Variants in MCM8 observed in about 807,000 individuals in gnomAD.
MCM8 encodes the protein minichromosome maintenance 8 homologous recombination repair factor.
A neutral mutation model predicts 98.9 loss-of-function variants in MCM8; 85 were observed. The ratio of observed to expected loss-of-function variants is 0.86; its 90% CI spans 0.72 to 1.03. The LOEUF is 1.03. MCM8 is among the 50% of genes least tolerant of loss of function. The probability of loss-of-function intolerance (pLI) is 0.00; values close to 1 mark genes in which losing one functional copy is unlikely to be tolerated. For synonymous variants in MCM8, 352 were observed against 338.6 expected (o/e 1.04, Z -0.44); for missense variants, 951 against 997.8 (o/e 0.95, Z 0.63).
At chr20:5,958,755 TTATC>T in intron 7 of MCM8, 29 bp downstream of exon 7, 1 of 1,588,154 alleles carries the variant, frequency 6.3e-7, no homozygotes, top group Non-Finnish European at 8.6e-7. Context: ...GCTTCTTTAT[TTATC>T]TTGGTAAAGA....
intron 10 of MCM8, among the ~76,000 whole-genome samples, chr20:5,970,485 T>C (rs1049019392): frequency 1.3e-5 from 2 of 152,178 alleles, no homozygotes; most frequent in Non-Finnish European, 2.9e-5. Context: ...TTCAGTATTT[T>C]TCCATTTAAG....
At chr20:5,973,348 C>T (rs2089444543) in intron 12 of MCM8, 152 bp downstream of exon 12, 1 of 929,766 alleles carries the variant, frequency 1.1e-6, no homozygotes, top group South Asian at 1.8e-5. Flanking sequence ...TAATATGTAA[C>T]TTATATCTGA....
chr20:5,985,957 C>G lies in MCM8; in HGVS notation c.1989C>G (p.His663Gln). 6.2e-7 allele frequency: 1 copy of G among 1,614,220 alleles called. No individual in the cohort carries two copies. The highest frequency in any genetic ancestry group is 1.1e-5 in the South Asian group (1 of 91,088). ...GAGAAACAATAGATCCCATTCCCCACCAGCTATTGAGAAAGTACATTGGCT... is the reference window on the plus strand; with the variant it reads ...GAGAAACAATAGATCCCATTCCCCAGCAGCTATTGAGAAAGTACATTGGCT... ...VPGETIDPIP[H>Q]QLLRKYIGYA... Residue 663 changes from histidine to glutamine, a missense_variant, in exon 16 of 19, where the codon CAC (histidine) becomes CAG (glutamine). Transcript: ENST00000610722.
At position 5,952,437 on chromosome 20, in the gene MCM8, G is replaced by A; in HGVS notation, c.162G>A (p.Gln54=). ...TATTTTTTTCAGAACAAACCCCACA[G>A]TTTTTGCTTTCAACAAAGACCCCAC... ...TGKRTSEQTP[Q]FLLSTKTPQS... is the part of the protein sequence containing the mutation. The change falls in exon 3 of 19, where the codon CAG becomes CAA. Residue 54 remains glutamine, a synonymous_variant. Transcript: ENST00000610722. 1 of 1,613,710 alleles carries A rather than the reference G, an allele frequency of 6.2e-7. No homozygotes were observed. The highest frequency in any genetic ancestry group is 8.5e-7 in the Non-Finnish European group (1 of 1,179,908).
chr20:5,998,854 C>G lies in MCM8; in HGVS notation c.*4463C>G, dbSNP rs972076690. The G allele has an allele frequency of 6.6e-6, 1 of 152,174 alleles. No homozygotes were observed. The highest frequency in any genetic ancestry group is 1.5e-5 in the Non-Finnish European group (1 of 68,038). The allele number at this position is 152,174 out of a possible 1,614,324, so 9.4% of individuals were successfully genotyped here. ...AAACAAAAGCTATACCAGGCTTGCT[C>G]TAGAGCGTGGGCTTGGGAATGGAAA... On this transcript the variant is annotated 3_prime_UTR_variant, in exon 19 of 19. Transcript: ENST00000610722.
chr20:5,985,070 G>A lies in MCM8; in HGVS notation c.1953+70G>A, dbSNP rs549095414. 4.3e-4 allele frequency: 547 copies of A among 1,260,842 alleles called. 4 individuals are homozygous for A. The South Asian group carries it at 6.8e-3, about 16-fold the overall frequency. 78.1% of individuals were successfully genotyped at this position (1,260,842 alleles called of 1,614,324 possible). A position where few individuals can be genotyped will look rare whatever the true frequency, so the allele number is the denominator to read the frequency against. ...GTCAAAGTTCAGTGTGTGGCTTATT[G>A]TAGAGCAGTAGGATACAAACTTTTT... On this transcript the variant is annotated intron_variant, in intron 15 of 18. Coordinates refer to ENST00000610722, the MANE Select transcript of MCM8 (RefSeq NM_032485.6).
Position 5,979,299 on chromosome 20 carries a change from A to C in MCM8, c.1537+1282A>C, listed in dbSNP as rs535569087. Among the ~76,000 whole-genome samples, 10 of 151,970 alleles carry C rather than the reference A, an allele frequency of 6.6e-5. No homozygotes were observed. In the South Asian group the frequency reaches 1.0e-3, roughly 16 times the overall value. ...TTACCTGTTGTTAACTAAGGTGCTTAGTTCTTGGACCTTTTGTCTTCTGGG... is the reference window on the plus strand; with the variant it reads ...TTACCTGTTGTTAACTAAGGTGCTTCGTTCTTGGACCTTTTGTCTTCTGGG... On this transcript the variant is annotated intron_variant, in intron 13 of 18. Transcript: ENST00000610722.
chr20:5,979,761 C>A (rs2089592841), intron 13 of MCM8, among the ~76,000 whole-genome samples: 1 of 152,218 alleles, frequency 6.6e-6, no homozygotes, highest in Non-Finnish European at 1.5e-5. Flanking sequence ...TGTAACCACG[C>A]TTGCCCCTTC....
rs11470045 is a variant in MCM8 at position 5,953,438 on chromosome 20, GGTGTGTGTGTGTGT to G, written c.253+930_253+943del. ...CATTTGTTTCTTATGTCTCATGAGG[GGTGTGTGTGTGTGT>G]GTGTGTGTGTGTGTGTGTGCATACT... On this transcript the variant is annotated intron_variant, in intron 3 of 18. Transcript: ENST00000610722. Among the ~76,000 whole-genome samples the G allele has an allele frequency of 1.9e-3, 283 of 146,292 alleles. 1 individual carries two copies. Among genetic ancestry groups the G allele is most frequent in the African/African-American group, 4.0e-3 (157 of 39,482 alleles).
At chr20:5,986,522 T>C (rs972410182) in intron 16 of MCM8, among the ~76,000 whole-genome samples, 9 of 152,196 alleles carry the variant, frequency 5.9e-5, no homozygotes, top group Admixed American at 2.6e-4. Flanking sequence ...CAAGGATAGT[T>C]CCTGTGTTTT....
chr20:5,957,224 T>G lies in MCM8; in HGVS notation c.585T>G (p.His195Gln), dbSNP rs150686080. 2.5e-5 allele frequency: 41 copies of G among 1,611,638 alleles called. No homozygotes were observed. The highest frequency in any genetic ancestry group is 3.3e-5 in the Admixed American group (2 of 59,866). ...CAATGGTAAATGTGCCACATATTCA[T>G]GCAAGGTGAGGAATTTGATGTATTA... ...GETMVNVPHIHARVYNYEPLT... is the reference protein window; with the variant it reads ...GETMVNVPHIQARVYNYEPLT... The change falls in exon 6 of 19, where the codon CAT becomes CAG. Residue 195 changes from histidine (H) to glutamine (Q), a missense_variant. Coordinates refer to ENST00000610722, the MANE Select transcript of MCM8 (RefSeq NM_032485.6).
intron 13 of MCM8, among the ~76,000 whole-genome samples, chr20:5,982,646 T>C (rs565268357): frequency 6.6e-6 from 1 of 152,336 alleles, no homozygotes; most frequent in South Asian, 2.1e-4. Flanking sequence ...TGTGTGTGTA[T>C]GTAACATCAC....
rs1354098823 is a variant in MCM8, at chr20:5,994,456, T to C, written c.*65T>C. 1.5e-5 allele frequency: 13 copies of C among 872,038 alleles called. No homozygotes were observed. The highest frequency in any genetic ancestry group is 5.3e-5 in the African/African-American group (3 of 56,836). The allele number at this position is 872,038 out of a possible 1,614,324, so 54.0% of individuals were successfully genotyped here. On this transcript the variant is annotated 3_prime_UTR_variant, in exon 19 of 19. Coordinates refer to ENST00000610722, the MANE Select transcript of MCM8 (RefSeq NM_032485.6). ...GATTAAAGCCATCTCAGTGAAGATA[T>C]GCGTGCACGCACAGACAGACAGACA...
intron 4 of MCM8, 80 bp downstream of exon 4, chr20:5,954,770 G>A: frequency 1.2e-6 from 1 of 846,234 alleles, no homozygotes; most frequent in Non-Finnish European, 1.9e-6. Flanking sequence ...TATGATCGTA[G>A]GCACTGGAGT....
Position 5,955,258 on chromosome 20 carries a change from A to C in MCM8, c.486+7A>C. On this transcript the variant is annotated splice_region_variant and intron_variant, in intron 5 of 18. Transcript: ENST00000610722. ...GGGTTTGGCAATACATCAGGTAACT[A>C]TTTGTCTTATGCATACTTTTGTCTA... The C allele has an allele frequency of 6.2e-7, 1 of 1,610,440 alleles. No homozygotes were observed. Among genetic ancestry groups the C allele is most frequent in the African/African-American group, 1.3e-5 (1 of 74,872 alleles).
At chr20:5,962,973 C>T (rs1375013694) in intron 7 of MCM8, among the ~76,000 whole-genome samples, 1 of 152,134 alleles carries the variant, frequency 6.6e-6, no homozygotes, top group Admixed American at 6.5e-5. Flanking sequence ...CGAGAGGTGG[C>T]ATGGGCACAG....
At chr20:5,956,260 T>C (rs1188082961) in intron 5 of MCM8, among the ~76,000 whole-genome samples, 1 of 152,204 alleles carries the variant, frequency 6.6e-6, no homozygotes, top group Non-Finnish European at 1.5e-5. Context: ...GTTGTCTGTC[T>C]GTAAAACCTT....
chr20:5,981,206 T>A (rs927936117), intron 13 of MCM8, among the ~76,000 whole-genome samples: 2 of 152,174 alleles, frequency 1.3e-5, no homozygotes, highest in Non-Finnish European at 2.9e-5. Context: ...CTCTGAGGAA[T>A]TGCATTAGCA....
intron 8 of MCM8, chr20:5,965,284 T>C (rs1176039640): frequency 2.0e-5 from 3 of 152,242 alleles, no homozygotes; most frequent in African/African-American, 4.8e-5. Context: ...GTGCTGGAAC[T>C]GGCTGGACAG....
Sources: allele counts gnomAD v4.1 joint callset (sites outside exome capture counted in the v4.1 genomes callset), GRCh38; gene constraint gnomAD v4.1.1; transcripts MANE v1.5; gene names NCBI Gene and HGNC (gene_info 2026-07-23, HGNC 2026-07-21).